Variants in CELF1 observed in about 807,000 individuals in gnomAD.
CELF1 encodes the protein CUGBP Elav-like family member 1, also known as 50 kDa nuclear polyadenylated RNA-binding protein.
A neutral mutation model predicts 61.8 loss-of-function variants in CELF1; 10 were observed. That is an observed-to-expected ratio of 0.16 (90% confidence interval 0.10 to 0.27). CELF1 has a LOEUF of 0.27. Among genes scored for constraint, CELF1 ranks in the 10% least tolerant of loss-of-function variants. The pLI, the probability that CELF1 is intolerant of heterozygous loss-of-function variation, is 1.00. For missense variants in CELF1, 380 were observed against 639.1 expected (o/e 0.59, Z 4.37); for synonymous variants, 236 against 225.1 (o/e 1.05, Z -0.43).
intron 3 of CELF1, among the ~76,000 whole-genome samples, chr11:47,489,843 C>CTATTT (rs1252712391): frequency 6.6e-6 from 1 of 151,134 alleles, no homozygotes; most frequent in Non-Finnish European, 1.5e-5. Context: ...GGATAATCAG[C>CTATTT]TATTTTAATA....
At position 47,531,621 on chromosome 11, in the gene CELF1, A is replaced by G. The variant is rs571045201; in HGVS notation, c.-154+21371T>C. ...CCCGAAATATTATTTTTGAACCCCA[A>G]GCTCACTTTTGTATAGATATACCTA... On this transcript the variant is annotated intron_variant, in intron 1 of 14. Coordinates refer to ENST00000687097, the MANE Select transcript of CELF1 (RefSeq NM_001376376.1). 7.9e-5 allele frequency among the ~76,000 whole-genome samples: 12 copies of G among 152,232 alleles called. No individual in the cohort carries two copies. In the South Asian group the frequency reaches 2.5e-3, roughly 32 times the overall value.
intron 1 of CELF1, among the ~76,000 whole-genome samples, chr11:47,537,242 C>T (rs1232510629): frequency 2.7e-5 from 4 of 145,942 alleles, no homozygotes; most frequent in African/African-American, 5.1e-5. Context: ...TTTTACCATA[C>T]AAATTTTTTT....
At chr11:47,511,303 AG>A (rs2095140094) in intron 1 of CELF1, among the ~76,000 whole-genome samples, 1 of 151,876 alleles carries the variant, frequency 6.6e-6, no homozygotes, top group Non-Finnish European at 1.5e-5. Context: ...TCAAAGATAG[AG>A]GAGGGAGAGG....
intron 1 of CELF1, among the ~76,000 whole-genome samples, chr11:47,504,494 C>T (rs1342198081): frequency 2.0e-5 from 3 of 152,070 alleles, no homozygotes; most frequent in Non-Finnish European, 4.4e-5. Context: ...GGGAGGATCA[C>T]CTGACCCCAG....
At chr11:47,538,809 C>A (rs1264899807) in intron 1 of CELF1, among the ~76,000 whole-genome samples, 2 of 152,130 alleles carry the variant, frequency 1.3e-5, no homozygotes, top group Non-Finnish European at 2.9e-5. Flanking sequence ...AAGCGCTAAA[C>A]TGTCTTTCTC....
At chr11:47,537,671 T>C (rs1320726388) in intron 1 of CELF1, among the ~76,000 whole-genome samples, 1 of 152,200 alleles carries the variant, frequency 6.6e-6, no homozygotes, top group African/African-American at 2.4e-5. Context: ...TTCACAGAAT[T>C]AAAATGTTAA....
At chr11:47,525,099 G>A (rs1426572588) in intron 1 of CELF1, among the ~76,000 whole-genome samples, 1 of 152,164 alleles carries the variant, frequency 6.6e-6, no homozygotes, top group Non-Finnish European at 1.5e-5. Context: ...TGCAAAAAAA[G>A]GTTATTCTCC....
upstream of CELF1, among the ~76,000 whole-genome samples, chr11:47,553,812 A>G (rs1598723759): frequency 8.3e-6 from 1 of 120,156 alleles, no homozygotes; most frequent in Non-Finnish European, 2.0e-5. Context: ...AAAAATATAT[A>G]TATATATTTT....
At chr11:47,560,667 C>A (rs2097222211) in intron 2 of CELF1, among the ~76,000 whole-genome samples, 1 of 152,010 alleles carries the variant, frequency 6.6e-6, no homozygotes, top group Non-Finnish European at 1.5e-5. Flanking sequence ...AGTTGTGCAA[C>A]CCTGTGAGTA....
chr11:47,555,431 A>T (rs2097203022), upstream of CELF1, among the ~76,000 whole-genome samples: 1 of 152,182 alleles, frequency 6.6e-6, no homozygotes, highest in South Asian at 2.1e-4. Context: ...CTGTGCCTTG[A>T]CTTAGGGCTC....
At chr11:47,486,693 C>A in intron 6 of CELF1, 57 bp downstream of exon 6, 3 of 1,392,738 alleles carry the variant, frequency 2.2e-6, no homozygotes, top group South Asian at 1.2e-5. Flanking sequence ...CAGGTGTGAG[C>A]CACCGTGCCT....
At chr11:47,558,569 A>T (rs1178843091) in intron 2 of CELF1, among the ~76,000 whole-genome samples, 1 of 112,850 alleles carries the variant, frequency 8.9e-6, no homozygotes, top group Non-Finnish European at 1.7e-5. Context: ...TATATATAAT[A>T]TATAAATATA....
At chr11:47,474,595 T>C (rs1437606590) in intron 13 of CELF1, among the ~76,000 whole-genome samples, 1 of 152,204 alleles carries the variant, frequency 6.6e-6, no homozygotes, top group African/African-American at 2.4e-5. Flanking sequence ...TACTACCACA[T>C]CCCTAGGGGA....
At chr11:47,517,949 A>AT (rs1414697953) in intron 1 of CELF1, among the ~76,000 whole-genome samples, 1 of 151,992 alleles carries the variant, frequency 6.6e-6, no homozygotes. Flanking sequence ...CCTACTGAAA[A>AT]TTTTTTTAAA....
intron 1 of CELF1, among the ~76,000 whole-genome samples, chr11:47,506,127 A>T (rs1168455240): frequency 2.8e-5 from 4 of 144,332 alleles, no homozygotes; most frequent in African/African-American, 7.6e-5. Flanking sequence ...CCGATGAGTT[A>T]AAAAAAAAAA....
intron 1 of CELF1, among the ~76,000 whole-genome samples, chr11:47,541,499 T>G (rs1487329109): frequency 6.6e-6 from 1 of 151,816 alleles, no homozygotes; most frequent in Non-Finnish European, 1.5e-5. Context: ...GAGACCAGCC[T>G]GGCCAACATG....
chr11:47,544,813 T>C (rs2096892548), intron 1 of CELF1, among the ~76,000 whole-genome samples: 1 of 146,204 alleles, frequency 6.8e-6, no homozygotes, highest in Non-Finnish European at 1.5e-5. Flanking sequence ...AAATACAAAA[T>C]TAGCCAGGTA....
upstream of CELF1, among the ~76,000 whole-genome samples, chr11:47,553,445 G>C (rs1283646845): frequency 6.6e-6 from 1 of 152,190 alleles, no homozygotes; most frequent in East Asian, 1.9e-4. Context: ...TCTCGACTCC[G>C]CCCATCGCAC....
chr11:47,549,805 T>C (rs902830864), intron 1 of CELF1, among the ~76,000 whole-genome samples: 5 of 147,180 alleles, frequency 3.4e-5, no homozygotes, highest in African/African-American at 1.2e-4. Context: ...TTAGTAAATG[T>C]TGTGGGTTTT....
Sources: gnomAD v4.1 joint callset for allele counts (sites outside exome capture counted in the v4.1 genomes callset) on GRCh38, gnomAD v4.1.1 for gene constraint, MANE v1.5 for transcripts, NCBI Gene and HGNC (gene_info 2026-07-23, HGNC 2026-07-21) for gene names.